The following FAM83B variants were observed in gnomAD, a reference collection of about 807,000 sequenced individuals.
The protein encoded by FAM83B is scaffolding CK1 anchoring protein B, also known as protein FAM83B.
In FAM83B, 26 loss-of-function variants were observed where a neutral mutation model predicts 38.8. That is an observed-to-expected ratio of 0.67 (90% confidence interval 0.49 to 0.93). The LOEUF (loss-of-function observed/expected upper bound fraction) is 0.93. FAM83B is among the 40% of genes least tolerant of loss of function. FAM83B has a pLI of 0.00. For synonymous variants in FAM83B, 419 were observed against 423.1 expected, an observed-to-expected ratio of 0.99 and a Z score of 0.12; for missense variants, 1,237 against 1,197.3, an observed-to-expected ratio of 1.03 and a Z score of -0.49.
At chr6:54,871,046 G>T (rs185029212) in intron 2 of FAM83B, among the ~76,000 whole-genome samples, 255 of 152,238 alleles carry the variant, frequency 1.7e-3, no homozygotes, top group Middle Eastern at 6.8e-3. Flanking sequence ...AGTAGTTGGT[G>T]GATATGGTGA....
intron 2 of FAM83B, among the ~76,000 whole-genome samples, chr6:54,896,166 A>G (rs1287735599): frequency 6.6e-6 from 1 of 152,152 alleles, no homozygotes; most frequent in Non-Finnish European, 1.5e-5. Context: ...CTGGGATTAC[A>G]GGTGTGAGCC....
chr6:54,851,898 C>T (rs1418654878), intron 1 of FAM83B, among the ~76,000 whole-genome samples: 2 of 152,034 alleles, frequency 1.3e-5, no homozygotes, highest in Non-Finnish European at 2.9e-5. Flanking sequence ...CCTCCCGCCT[C>T]GGCCTCCCAA....
intron 2 of FAM83B, among the ~76,000 whole-genome samples, chr6:54,900,279 A>T (rs1772631045): frequency 6.6e-6 from 1 of 152,166 alleles, no homozygotes; most frequent in Admixed American, 6.5e-5. Context: ...TGATGAGAAA[A>T]GAGGGAGGCC....
In FAM83B at chr6:54,876,278, C is replaced by CATAT. The variant is rs3996949; in HGVS notation, c.444+5627_444+5630dup. 3.1e-3 allele frequency among the ~76,000 whole-genome samples: 295 copies of CATAT among 96,004 alleles called. 2 individuals carry two copies. The highest frequency in any genetic ancestry group is 4.4e-3 in the African/African-American group (99 of 22,596). 63.0% of individuals were successfully genotyped at this position (96,004 alleles called of 152,430 possible). A position where few individuals can be genotyped will look rare whatever the true frequency, so the allele number is the denominator to read the frequency against. ...TTAAAATGCAAGTTATTTAGGAGTG[C>CATAT]ATATATATATATATATATATATATA... On this transcript the variant is annotated intron_variant, in intron 2 of 4. Coordinates refer to ENST00000306858, the MANE Select transcript of FAM83B (RefSeq NM_001010872.3).
At chr6:54,888,680 G>T (rs1429508166) in intron 2 of FAM83B, among the ~76,000 whole-genome samples, 1 of 151,636 alleles carries the variant, frequency 6.6e-6, no homozygotes, top group Non-Finnish European at 1.5e-5. Flanking sequence ...ATTTCTTTTT[G>T]TCATTCATTT....
intron 2 of FAM83B, among the ~76,000 whole-genome samples, chr6:54,875,407 C>T (rs1178833579): frequency 1.3e-5 from 2 of 152,090 alleles, no homozygotes; most frequent in Non-Finnish European, 2.9e-5. Flanking sequence ...TTAAGAATTT[C>T]CTCTCTACCC....
At position 54,940,961 on chromosome 6, in the gene FAM83B, AG is replaced by A; in HGVS notation, c.1991del (p.Ser664IlefsTer12). The A allele has an allele frequency of 6.2e-7, 1 of 1,613,828 alleles. No individual in the cohort carries two copies. The highest frequency in any genetic ancestry group is 2.2e-5 in the East Asian group (1 of 44,870). On this transcript the variant is annotated frameshift_variant, in exon 5 of 5. Coordinates refer to ENST00000306858, the MANE Select transcript of FAM83B (RefSeq NM_001010872.3). LOFTEE classifies it high-confidence loss of function. ...QQTENLLKRR[S>X]FPLFDNSKAN... is the part of the protein sequence containing the mutation. The stretch of plus-strand genomic sequence containing the variant: ...GACTGAGAATCTACTTAAAAGGCGA[AG>A]TTTCCCGTTATTTGACAACTCAAAA...
At chr6:54,872,775 G>A (rs1771889904) in intron 2 of FAM83B, among the ~76,000 whole-genome samples, 1 of 152,158 alleles carries the variant, frequency 6.6e-6, no homozygotes, top group Non-Finnish European at 1.5e-5. Context: ...TTAGCGAGCT[G>A]AAGAAATTGA....
At chr6:54,867,178 A>AT (rs934609632) in intron 1 of FAM83B, among the ~76,000 whole-genome samples, 1 of 150,978 alleles carries the variant, frequency 6.6e-6, no homozygotes, top group African/African-American at 2.4e-5. Context: ...ATAATTCCTT[A>AT]TTTTTTATAT....
chr6:54,863,262 G>C (rs1384106138), intron 1 of FAM83B, among the ~76,000 whole-genome samples: 1 of 152,156 alleles, frequency 6.6e-6, no homozygotes, highest in East Asian at 1.9e-4. Context: ...ACCCAAAATA[G>C]AGGTACCAAT....
At chr6:54,911,138 A>AGTGT (rs1554148147) in intron 2 of FAM83B, among the ~76,000 whole-genome samples, 1 of 72,072 alleles carries the variant, frequency 1.4e-5, no homozygotes, top group South Asian at 4.6e-4. Flanking sequence ...AATGACACAC[A>AGTGT]GCGTGTGTGT....
At chr6:54,908,974 A>G (rs1313708794) in intron 2 of FAM83B, among the ~76,000 whole-genome samples, 3 of 152,154 alleles carry the variant, frequency 2.0e-5, no homozygotes, top group African/African-American at 7.2e-5. Context: ...TTAAATAAAT[A>G]TTAGTTTCTA....
intron 1 of FAM83B, among the ~76,000 whole-genome samples, chr6:54,848,604 C>T (rs1026121873): frequency 6.6e-6 from 1 of 152,138 alleles, no homozygotes; most frequent in Non-Finnish European, 1.5e-5. Flanking sequence ...TTTCCTCTAC[C>T]GTCCACCGTT....
chr6:54,877,396 G>T (rs1476709589), intron 2 of FAM83B, among the ~76,000 whole-genome samples: 2 of 152,194 alleles, frequency 1.3e-5, no homozygotes, highest in African/African-American at 2.4e-5. Flanking sequence ...TTTTTGAGAT[G>T]ATGAGTGCTG....
Position 54,942,657 on chromosome 6 carries a change from G to T in FAM83B, c.*650G>T, listed in dbSNP as rs563774943. Among the ~76,000 whole-genome samples, 1 of 149,432 alleles carries T rather than the reference G, an allele frequency of 6.7e-6. No individual in the cohort carries two copies. The highest frequency in any genetic ancestry group is 1.5e-5 in the Non-Finnish European group (1 of 67,936). ...TTTATTTTCCTCAGCCTTTGAAAAC[G>T]GTCTGGGATGTGCTTCTTTCTACAC... On this transcript the variant is annotated 3_prime_UTR_variant, in exon 5 of 5. Coordinates refer to ENST00000306858, the MANE Select transcript of FAM83B (RefSeq NM_001010872.3).
chr6:54,869,330 G>A (rs183360093), intron 1 of FAM83B, among the ~76,000 whole-genome samples: 257 of 152,160 alleles, frequency 1.7e-3, no homozygotes, highest in Middle Eastern at 6.8e-3. Context: ...CTCTTCTTCA[G>A]TCCCCTGCTA....
At chr6:54,923,203 A>T (rs1773210436) in intron 2 of FAM83B, among the ~76,000 whole-genome samples, 1 of 152,064 alleles carries the variant, frequency 6.6e-6, no homozygotes, top group African/African-American at 2.4e-5. Flanking sequence ...TAAAGATAAG[A>T]TATATATTCA....
intron 4 of FAM83B, among the ~76,000 whole-genome samples, chr6:54,937,034 T>C (rs1281998694): frequency 1.3e-5 from 2 of 150,218 alleles, no homozygotes; most frequent in African/African-American, 2.5e-5. Context: ...ATATGTAATA[T>C]TTTGTTTATT....
chr6:54,864,956 T>C (rs1771665943), intron 1 of FAM83B, among the ~76,000 whole-genome samples: 1 of 152,236 alleles, frequency 6.6e-6, no homozygotes, highest in African/African-American at 2.4e-5. Flanking sequence ...TGCTTAACAT[T>C]GAAGTTATAT....
Sources: gnomAD v4.1 joint callset for allele counts (sites outside exome capture counted in the v4.1 genomes callset) on GRCh38, gnomAD v4.1.1 for gene constraint, MANE v1.5 for transcripts, NCBI Gene and HGNC (gene_info 2026-07-23, HGNC 2026-07-21) for gene names.